Variants in CACNB2 observed in about 807,000 individuals in gnomAD.
CACNB2 encodes the protein voltage-dependent L-type calcium channel subunit beta-2.
Under a neutral mutation model 73.3 loss-of-function variants are expected in CACNB2, and 42 were observed. The ratio of observed to expected loss-of-function variants is 0.57; its 90% CI spans 0.45 to 0.74. The LOEUF is 0.74. Among genes scored for constraint, CACNB2 ranks in the 30% least tolerant of loss-of-function variants. The pLI, the probability that CACNB2 is intolerant of heterozygous loss-of-function variation, is 0.00. For synonymous variants in CACNB2, 348 were observed against 310.3 expected, an observed-to-expected ratio of 1.12 and a Z score of -1.28; for missense variants, 940 against 853.0, an observed-to-expected ratio of 1.10 and a Z score of -1.27.
At chr10:18,493,322 C>T (rs1005917272) in intron 3 of CACNB2, among the ~76,000 whole-genome samples, 1 of 152,154 alleles carries the variant, frequency 6.6e-6, no homozygotes, top group Non-Finnish European at 1.5e-5. Flanking sequence ...GTCTGGCCAC[C>T]ACGCCTGGCT....
intron 2 of CACNB2, among the ~76,000 whole-genome samples, chr10:18,164,958 C>G (rs1045436649): frequency 2.6e-5 from 4 of 151,738 alleles, no homozygotes; most frequent in African/African-American, 9.7e-5. Flanking sequence ...TTTTTTTCAC[C>G]AACATATGGA....
At chr10:18,443,002 A>ATATATATATG (rs2046538231) in intron 3 of CACNB2, among the ~76,000 whole-genome samples, 1 of 24,246 alleles carries the variant, frequency 4.1e-5, no homozygotes, top group Non-Finnish European at 7.0e-5. Context: ...ATATATGTGT[A>ATATATATATG]TATATATATA....
At chr10:18,294,895 A>T (rs1163607248) in intron 2 of CACNB2, among the ~76,000 whole-genome samples, 1 of 152,238 alleles carries the variant, frequency 6.6e-6, no homozygotes, top group Non-Finnish European at 1.5e-5. Flanking sequence ...GAGAATTCTG[A>T]CATGTAGGAA....
At chr10:18,157,731 C>T (rs75086557) in intron 2 of CACNB2, among the ~76,000 whole-genome samples, 7 of 152,202 alleles carry the variant, frequency 4.6e-5, no homozygotes, top group Non-Finnish European at 1.0e-4. Flanking sequence ...TTATGCTATA[C>T]TTCCTTGTAG....
At chr10:18,401,028 G>A (rs756233244) in intron 2 of CACNB2, 4 of 1,614,162 alleles carry the variant, frequency 2.5e-6, no homozygotes, top group Non-Finnish European at 3.4e-6. Flanking sequence ...GCGCTGTCTG[G>A]CTCATGAAGG....
rs890434760 is a variant in CACNB2 at position 18,157,203 on chromosome 10, A to G, written c.213+6228A>G. Among the ~76,000 whole-genome samples, 4 of 152,184 alleles carry G rather than the reference A, an allele frequency of 2.6e-5. No homozygotes were observed. In the East Asian group the frequency reaches 7.7e-4, roughly 29 times the overall value. Reference sequence around the variant, plus strand: ...CGTATAATTTCTATATTTATCTTTTATGTAAATTATGATGTTATAAGATTT... The same window carrying G: ...CGTATAATTTCTATATTTATCTTTTGTGTAAATTATGATGTTATAAGATTT... On this transcript the variant is annotated intron_variant, in intron 2 of 13. Coordinates refer to ENST00000324631, the MANE Select transcript of CACNB2 (RefSeq NM_201596.3).
At position 18,393,187 on chromosome 10, in the gene CACNB2, T is replaced by TGACAGAGTGAGA. The variant is rs11281154; in HGVS notation, c.214-8734_214-8733insAGAGTGAGAGAC. On this transcript the variant is annotated intron_variant, in intron 2 of 13. Coordinates refer to ENST00000324631, the MANE Select transcript of CACNB2 (RefSeq NM_201596.3). Reference sequence around the variant, plus strand: ...TCGCCCCATTGTACTCCAGCCTGGATGACTCCATGTCAAAAAAAAAAAAAT... The same window carrying TGACAGAGTGAGA: ...TCGCCCCATTGTACTCCAGCCTGGATGACAGAGTGAGAGACTCCATGTCAAAAAAAAAAAAAT... Among the ~76,000 whole-genome samples the TGACAGAGTGAGA allele has an allele frequency of 1.3e-5, 2 of 150,342 alleles. 1 individual carries two copies. Among genetic ancestry groups the TGACAGAGTGAGA allele is most frequent in the East Asian group, 3.9e-4 (2 of 5,138 alleles).
chr10:18,152,024 T>C (rs1325268907), intron 2 of CACNB2, among the ~76,000 whole-genome samples: 1 of 152,192 alleles, frequency 6.6e-6, no homozygotes, highest in East Asian at 1.9e-4. Context: ...TGGGGACAGT[T>C]ACATTTCCCT....
intron 3 of CACNB2, among the ~76,000 whole-genome samples, chr10:18,409,526 G>C (rs1487289260): frequency 6.6e-6 from 1 of 152,206 alleles, no homozygotes; most frequent in Non-Finnish European, 1.5e-5. Context: ...AAGCCTGAAG[G>C]CTTGAAGTTT....
intron 3 of CACNB2, among the ~76,000 whole-genome samples, chr10:18,488,589 T>C (rs1589515965): frequency 1.3e-5 from 2 of 151,984 alleles, no homozygotes; most frequent in South Asian, 2.1e-4. Flanking sequence ...GTTACCTTTA[T>C]GAGGGACACC....
chr10:18,385,875 CCTA>C (rs2132409289), intron 2 of CACNB2, among the ~76,000 whole-genome samples: 1 of 151,986 alleles, frequency 6.6e-6, no homozygotes, highest in East Asian at 1.9e-4. Flanking sequence ...TTATCAGTGC[CCTA>C]CTGATAGTTA....
intron 2 of CACNB2, among the ~76,000 whole-genome samples, chr10:18,366,835 A>C (rs953026312): frequency 6.6e-6 from 1 of 152,076 alleles, no homozygotes; most frequent in African/African-American, 2.4e-5. Flanking sequence ...ATTTTCAGTC[A>C]GTTTGCCAGA....
chr10:18,385,665 A>T (rs901645678), intron 2 of CACNB2, among the ~76,000 whole-genome samples: 3 of 132,966 alleles, frequency 2.3e-5, no homozygotes, highest in Non-Finnish European at 4.9e-5. Context: ...AAAAAAATTT[A>T]TTCAAATGAC....
At chr10:18,507,277 T>C (rs569843093) in intron 6 of CACNB2, among the ~76,000 whole-genome samples, 2 of 152,274 alleles carry the variant, frequency 1.3e-5, no homozygotes, top group South Asian at 2.1e-4. Flanking sequence ...TGGCCTGTTG[T>C]GGGCTCTACC....
intron 10 of CACNB2, among the ~76,000 whole-genome samples, chr10:18,532,401 C>A (rs2053120614): frequency 6.6e-6 from 1 of 152,124 alleles, no homozygotes; most frequent in African/African-American, 2.4e-5. Flanking sequence ...GGGCTGGGCG[C>A]AGTGGCTCAC....
At chr10:18,402,919 G>A (rs1401110235) in intron 3 of CACNB2, among the ~76,000 whole-genome samples, 1 of 152,160 alleles carries the variant, frequency 6.6e-6, no homozygotes, top group Non-Finnish European at 1.5e-5. Flanking sequence ...TCTACTGCCT[G>A]CCTCATCTCT....
intron 2 of CACNB2, among the ~76,000 whole-genome samples, chr10:18,339,437 C>A (rs1247191729): frequency 6.6e-6 from 1 of 152,160 alleles, no homozygotes. Flanking sequence ...AGGAGAATGG[C>A]TTGAACCTGA....
intron 2 of CACNB2, among the ~76,000 whole-genome samples, chr10:18,241,203 C>A (rs1262549994): frequency 6.6e-6 from 1 of 152,140 alleles, no homozygotes; most frequent in Non-Finnish European, 1.5e-5. Flanking sequence ...TGCCCTGACC[C>A]CACCTTGGGC....
intron 3 of CACNB2, among the ~76,000 whole-genome samples, chr10:18,413,824 C>G (rs908142983): frequency 3.5e-4 from 54 of 152,190 alleles, no homozygotes; most frequent in African/African-American, 1.3e-3. Flanking sequence ...TAAGCTGTTA[C>G]GTATAAAGCA....
Sources: allele counts gnomAD v4.1 joint callset (sites outside exome capture counted in the v4.1 genomes callset), GRCh38; gene constraint gnomAD v4.1.1; transcripts MANE v1.5; gene names NCBI Gene and HGNC (gene_info 2026-07-23, HGNC 2026-07-21).